Variants in SNTB2 observed in about 807,000 individuals in gnomAD.
SNTB2 encodes syntrophin beta 2.
SNTB2 carries 34 observed loss-of-function variants against 46.2 expected under a neutral mutation model. The ratio of observed to expected loss-of-function variants is 0.74; its 90% CI spans 0.56 to 0.98. SNTB2 has a LOEUF of 0.98. Among genes scored for constraint, SNTB2 ranks in the 50% least tolerant of loss-of-function variants. The pLI, the probability that SNTB2 is intolerant of heterozygous loss-of-function variation, is 0.00. For missense variants in SNTB2, 603 were observed against 731.4 expected (o/e 0.82, Z 2.02); for synonymous variants, 290 against 312.6 (o/e 0.93, Z 0.76).
intron 4 of SNTB2, 120 bp downstream of exon 4, chr16:69,270,405 T>G: frequency 3.2e-6 from 4 of 1,244,574 alleles, no homozygotes; most frequent in Non-Finnish European, 4.4e-6. Context: ...GCGGATATAG[T>G]TGATGCAGAC....
chr16:69,221,775 CA>C (rs916433766), intron 1 of SNTB2, among the ~76,000 whole-genome samples: 3 of 151,950 alleles, frequency 2.0e-5, no homozygotes, highest in Admixed American at 1.3e-4. Flanking sequence ...GACTCTCTCT[CA>C]AAAAAAGGAA....
intron 1 of SNTB2, among the ~76,000 whole-genome samples, chr16:69,229,125 C>G (rs922162732): frequency 3.9e-5 from 6 of 152,134 alleles, no homozygotes; most frequent in South Asian, 2.1e-4. Flanking sequence ...GCTATTGAAT[C>G]TATTTCTGAA....
At chr16:69,288,989 G>T (rs1296202424) in intron 5 of SNTB2, among the ~76,000 whole-genome samples, 1 of 152,100 alleles carries the variant, frequency 6.6e-6, no homozygotes, top group Non-Finnish European at 1.5e-5. Flanking sequence ...TAAAAAAGTG[G>T]CCAGGCGTGG....
chr16:69,231,654 C>G (rs1198170773), intron 1 of SNTB2, among the ~76,000 whole-genome samples: 2 of 151,986 alleles, frequency 1.3e-5, no homozygotes, highest in Admixed American at 6.6e-5. Context: ...ATCCTAAAAA[C>G]CAAAGAAAAA....
At chr16:69,297,779 T>C (rs1965242144) in intron 5 of SNTB2, among the ~76,000 whole-genome samples, 1 of 151,892 alleles carries the variant, frequency 6.6e-6, no homozygotes, top group South Asian at 2.1e-4. Flanking sequence ...CCGGGCGTGG[T>C]GGTGTACATC....
At chr16:69,234,022 T>C (rs1416369154) in intron 1 of SNTB2, among the ~76,000 whole-genome samples, 1 of 151,878 alleles carries the variant, frequency 6.6e-6, no homozygotes, top group East Asian at 1.9e-4. Context: ...TCTGTCTCTT[T>C]TAAAAAAAGG....
rs187940205 is a variant in SNTB2, at chr16:69,227,544, C to T, written c.581-18058C>T. Among the ~76,000 whole-genome samples the T allele has an allele frequency of 1.2e-3, 190 of 152,258 alleles. 2 individuals are homozygous for T. The highest frequency in any genetic ancestry group is 4.1e-3 in the African/African-American group (171 of 41,534). ...CAAGGCCTAATGGCTCTACACAAACCGCAACACAGTTCTGAAGGGTGACTA... is the reference window on the plus strand; with the variant it reads ...CAAGGCCTAATGGCTCTACACAAACTGCAACACAGTTCTGAAGGGTGACTA... On this transcript the variant is annotated intron_variant, in intron 1 of 6. Coordinates refer to ENST00000336278, the MANE Select transcript of SNTB2 (RefSeq NM_006750.4).
chr16:69,265,244 G>A (rs1158633865), intron 3 of SNTB2, among the ~76,000 whole-genome samples: 2 of 152,090 alleles, frequency 1.3e-5, no homozygotes, highest in Non-Finnish European at 2.9e-5. Context: ...GCGAGACTCT[G>A]TCAAAAGAAA....
chr16:69,243,225 G>A (rs1385494742), intron 1 of SNTB2, among the ~76,000 whole-genome samples: 3 of 152,098 alleles, frequency 2.0e-5, no homozygotes, highest in Non-Finnish European at 4.4e-5. Flanking sequence ...GGGTGTAAAG[G>A]CTCTGCTTAT....
intron 1 of SNTB2, among the ~76,000 whole-genome samples, chr16:69,189,047 G>A (rs1964023574): frequency 6.6e-6 from 1 of 152,170 alleles, no homozygotes; most frequent in Non-Finnish European, 1.5e-5. Context: ...GTCAAACCGA[G>A]AGGCCAGAAG....
intron 3 of SNTB2, among the ~76,000 whole-genome samples, chr16:69,262,304 T>G (rs1164206975): frequency 6.6e-6 from 1 of 152,112 alleles, no homozygotes; most frequent in African/African-American, 2.4e-5. Context: ...ATATTTCTTT[T>G]TTGTTGCTTT....
intron 1 of SNTB2, among the ~76,000 whole-genome samples, chr16:69,228,072 G>A (rs997624523): frequency 1.3e-5 from 2 of 151,968 alleles, no homozygotes; most frequent in African/African-American, 4.8e-5. Flanking sequence ...TAGTGATATA[G>A]TACATAATAA....
At chr16:69,272,809 T>C (rs1310904773) in intron 4 of SNTB2, among the ~76,000 whole-genome samples, 3 of 145,780 alleles carry the variant, frequency 2.1e-5, no homozygotes, top group Non-Finnish European at 4.5e-5. Flanking sequence ...GAGAAGTGCT[T>C]GAACCCAGAG....
Position 69,260,162 on chromosome 16 carries a change from C to T in SNTB2, c.907C>T (p.Leu303Phe), listed in dbSNP as rs1567409287. The T allele has an allele frequency of 6.2e-7, 1 of 1,614,044 alleles. No homozygotes were observed. The highest frequency in any genetic ancestry group is 8.5e-7 in the Non-Finnish European group (1 of 1,180,048). ...VAIHTNIMAL[L>F]PQVLAELNAM... Reference sequence around the variant, plus strand: ...TATCCACACCAACATAATGGCTCTCCTCCCACAGGTGTTGGCTGAACTCAA... The same window carrying T: ...TATCCACACCAACATAATGGCTCTCTTCCCACAGGTGTTGGCTGAACTCAA... Residue 303 changes from leucine (L) to phenylalanine (F), a missense_variant, in exon 3 of 7, where the codon CTC becomes TTC. Physicochemically the swap from Leu to Phe is conservative, Grantham distance 22 (BLOSUM62 0). This residue lies in a region of SNTB2 where 537 missense variants were observed against 692.4 expected (regional missense o/e 0.78). Coordinates refer to ENST00000336278, the MANE Select transcript of SNTB2 (RefSeq NM_006750.4).
At chr16:69,251,905 G>A (rs1025607991) in intron 2 of SNTB2, among the ~76,000 whole-genome samples, 2 of 152,134 alleles carry the variant, frequency 1.3e-5, no homozygotes, top group African/African-American at 4.8e-5. Flanking sequence ...GGCCAACATG[G>A]CAAAACCCCA....
intron 5 of SNTB2, among the ~76,000 whole-genome samples, chr16:69,291,595 G>C (rs973263981): frequency 6.6e-6 from 1 of 152,174 alleles, no homozygotes; most frequent in Non-Finnish European, 1.5e-5. Flanking sequence ...TGTAGTCTTA[G>C]CTATTTGGGA....
At chr16:69,282,738 A>G (rs12149222) in intron 4 of SNTB2, among the ~76,000 whole-genome samples, 41,462 of 151,930 alleles carry the variant, frequency 0.27, 6,252 homozygotes, top group African/African-American at 0.39. Context: ...ATATCTCTTG[A>G]TTTATTTAGA....
intron 4 of SNTB2, among the ~76,000 whole-genome samples, chr16:69,282,947 T>C (rs1160663399): frequency 1.3e-5 from 2 of 152,262 alleles, no homozygotes; most frequent in African/African-American, 4.8e-5. Context: ...TAATTGCTTA[T>C]CAGTTTTAGG....
chr16:69,194,454 A>T (rs911288986), intron 1 of SNTB2, among the ~76,000 whole-genome samples: 1 of 152,224 alleles, frequency 6.6e-6, no homozygotes, highest in Non-Finnish European at 1.5e-5. Flanking sequence ...TTTGAAAAGT[A>T]ACAATAGACA....
Sources: gnomAD v4.1 joint callset for allele counts (sites outside exome capture counted in the v4.1 genomes callset) on GRCh38, gnomAD v4.1.1 for gene constraint, gnomAD v4.1.1 regional missense constraint, MANE v1.5 for transcripts, NCBI Gene and HGNC (gene_info 2026-07-23, HGNC 2026-07-21) for gene names.